TNS3: variants seen among roughly 807,000 people sequenced by gnomAD.
TNS3 encodes tensin 3.
TNS3 carries 45 observed loss-of-function variants against 140.9 expected under a neutral mutation model. That is an observed-to-expected ratio of 0.32 (90% CI 0.25 to 0.41). The LOEUF (loss-of-function observed/expected upper bound fraction) is 0.41, where lower values mean the gene tolerates loss of function less well. Ranked by LOEUF, TNS3 falls within the 10% of genes least tolerant of loss-of-function variation. The pLI is 1.00. For missense variants in TNS3, 1,716 were observed against 1,906.7 expected, an observed-to-expected ratio of 0.90 and a Z score of 1.86; for synonymous variants, 815 against 788.4, an observed-to-expected ratio of 1.03 and a Z score of -0.56.
chr7:47,362,683 T>C (rs1023945750), intron 17 of TNS3, among the ~76,000 whole-genome samples: 1 of 152,064 alleles, frequency 6.6e-6, no homozygotes, highest in Non-Finnish European at 1.5e-5. Flanking sequence ...GAGTAACAGT[T>C]CTTACTATTA....
At position 47,400,454 on chromosome 7, in the gene TNS3, G is replaced by T; in HGVS notation, c.858C>A (p.Asp286Glu). ...KEDLDNASKD[D>E]RFPDYGKVEL... is the part of the protein sequence containing the mutation. ...CAACCTTCCCATAGTCAGGAAAACG[G>T]TCATCTGAAAAAAACAATGTATTTT... is the stretch of plus-strand genomic sequence containing the variant. The change falls in exon 15 of 31, where the codon GAC becomes GAA. Residue 286 changes from aspartate (D) to glutamate (E), a missense_variant. Physicochemically the swap from Asp to Glu is conservative, Grantham distance 45 (BLOSUM62 2). Transcript: ENST00000311160. 6.2e-7 allele frequency: 1 copy of T among 1,613,952 alleles called. No homozygotes were observed. Among genetic ancestry groups the T allele is most frequent in the Non-Finnish European group, 8.5e-7 (1 of 1,179,918 alleles).
chr7:47,545,273 G>A (rs1260445383), intron 1 of TNS3, among the ~76,000 whole-genome samples: 1 of 151,614 alleles, frequency 6.6e-6, no homozygotes, highest in African/African-American at 2.4e-5. Flanking sequence ...CCAAGTAGCT[G>A]AGACTACAGG....
intron 20 of TNS3, among the ~76,000 whole-genome samples, chr7:47,317,241 T>C (rs997246537): frequency 1.8e-4 from 28 of 152,268 alleles, no homozygotes; most frequent in African/African-American, 6.7e-4. Flanking sequence ...ATGGGAATCC[T>C]GTCCACCAAA....
intron 1 of TNS3, among the ~76,000 whole-genome samples, chr7:47,555,872 T>C (rs1800181606): frequency 6.6e-6 from 1 of 152,228 alleles, no homozygotes; most frequent in African/African-American, 2.4e-5. Context: ...ACTTACTTTA[T>C]CTCAATATTC....
chr7:47,400,443 T>A lies in TNS3; in HGVS notation c.869A>T (p.Asp290Val). The A allele has an allele frequency of 1.2e-6, 2 of 1,614,098 alleles. No individual in the cohort carries two copies. The highest frequency in any genetic ancestry group is 1.3e-5 in the African/African-American group (1 of 75,014). The stretch of plus-strand genomic sequence containing the variant: ...GAAGACTAATTCAACCTTCCCATAG[T>A]CAGGAAAACGGTCATCTGAAAAAAA... ...DNASKDDRFP[D>V]YGKVELVFSA... The change falls in exon 15 of 31, where the codon GAC becomes GTC. Residue 290 changes from aspartate to valine, a missense_variant. Coordinates refer to ENST00000311160, the MANE Select transcript of TNS3 (RefSeq NM_022748.12).
At chr7:47,477,895 G>A (rs1797254008) in intron 4 of TNS3, among the ~76,000 whole-genome samples, 1 of 152,142 alleles carries the variant, frequency 6.6e-6, no homozygotes, top group Non-Finnish European at 1.5e-5. Context: ...CACCCAGCAG[G>A]GAGGCAGAAG....
At chr7:47,312,080 C>T (rs369463263) in intron 20 of TNS3, among the ~76,000 whole-genome samples, 1 of 152,184 alleles carries the variant, frequency 6.6e-6, no homozygotes, top group Non-Finnish European at 1.5e-5. Flanking sequence ...CTGCACCCAA[C>T]TGTAAATACC....
chr7:47,477,427 G>C (rs1205272571), intron 4 of TNS3, among the ~76,000 whole-genome samples: 1 of 152,166 alleles, frequency 6.6e-6, no homozygotes, highest in Non-Finnish European at 1.5e-5. Flanking sequence ...GCCAGCACAG[G>C]ACAGAGCAGA....
At chr7:47,389,002 G>GGAAGAAGAAGAA (rs1175410885) in intron 16 of TNS3, among the ~76,000 whole-genome samples, 6 of 6,650 alleles carry the variant, frequency 9.0e-4, no homozygotes, top group Admixed American at 2.8e-3. Flanking sequence ...AGAAGAAGAA[G>GGAAGAAGAAGAA]GAAGAAGAAG....
At position 47,293,035 on chromosome 7, in the gene TNS3, G is replaced by A. The variant is rs1258721039; in HGVS notation, c.3773-130C>T. The A allele has an allele frequency of 5.7e-6, 4 of 701,508 alleles. No homozygotes were observed. The East Asian group carries it at 1.1e-4, about 19-fold the overall frequency. The allele number at this position is 701,508 out of a possible 1,614,324, so 43.5% of individuals were successfully genotyped here. A position where few individuals can be genotyped will look rare whatever the true frequency, so the allele number is the denominator to read the frequency against. ...TATCTTTTTAGCAACTGGTATGTTA[G>A]ATTAGTGTGCAGCTTTGTGTAAAAC... On this transcript the variant is annotated intron_variant, in intron 25 of 30. Transcript: ENST00000311160.
intron 12 of TNS3, among the ~76,000 whole-genome samples, chr7:47,413,251 CTTTTTTT>C (rs71003398): frequency 1.9e-5 from 1 of 52,904 alleles, no homozygotes. Flanking sequence ...CAAGCCTGGC[CTTTTTTT>C]TTTTTTTTTT....
At chr7:47,297,595 G>C (rs779763232) in intron 23 of TNS3, among the ~76,000 whole-genome samples, 1 of 152,022 alleles carries the variant, frequency 6.6e-6, no homozygotes, top group African/African-American at 2.4e-5. Flanking sequence ...GACAGCCCAG[G>C]AAACCAAGGC....
At chr7:47,406,911 C>A (rs920395298) in intron 13 of TNS3, among the ~76,000 whole-genome samples, 3 of 152,092 alleles carry the variant, frequency 2.0e-5, no homozygotes, top group Admixed American at 6.5e-5. Flanking sequence ...GCGTGGGCAT[C>A]CTGTGCTGAG....
At chr7:47,499,128 T>C (rs1033280951) in intron 3 of TNS3, among the ~76,000 whole-genome samples, 1 of 152,254 alleles carries the variant, frequency 6.6e-6, no homozygotes, top group African/African-American at 2.4e-5. Context: ...AAATGTGGCT[T>C]GCTGACTTTG....
chr7:47,349,116 C>G (rs1789513758), intron 17 of TNS3, among the ~76,000 whole-genome samples: 1 of 152,174 alleles, frequency 6.6e-6, no homozygotes, highest in Non-Finnish European at 1.5e-5. Context: ...AGAAATGTTC[C>G]TGTTGAACAC....
At position 47,578,736 on chromosome 7, in the gene TNS3, G is replaced by T. The variant is rs145319178; in HGVS notation, c.-265+3315C>A. ...ACCAAACACATTCCTGAGTCACAGA[G>T]TACAAACAGAAAGCTCACGAAACTT... is the stretch of plus-strand genomic sequence containing the variant. On this transcript the variant is annotated intron_variant, in intron 1 of 30. Coordinates refer to ENST00000311160, the MANE Select transcript of TNS3 (RefSeq NM_022748.12). Among the ~76,000 whole-genome samples the T allele has an allele frequency of 8.6e-3, 1,309 of 152,320 alleles. 25 individuals are homozygous for T. Among genetic ancestry groups the T allele is most frequent in the African/African-American group, 0.03 (1,264 of 41,562 alleles).
intron 13 of TNS3, among the ~76,000 whole-genome samples, chr7:47,403,076 T>A (rs1584577265): frequency 6.6e-6 from 1 of 151,938 alleles, no homozygotes; most frequent in Non-Finnish European, 1.5e-5. Flanking sequence ...CAGTGGAATA[T>A]CCCCAACCGC....
chr7:47,529,889 T>C (rs564912229), intron 1 of TNS3, among the ~76,000 whole-genome samples: 2 of 152,386 alleles, frequency 1.3e-5, no homozygotes, highest in South Asian at 4.1e-4. Flanking sequence ...AATATCCATA[T>C]GGATTCAGTG....
chr7:47,278,087 T>C lies in TNS3; in HGVS notation c.4327A>G (p.Lys1443Glu). ...AGGGAGGGGAGTTCTCAGACCTTCT[T>C]TGGGGAACCAATCATGACCTTTGAT... ...FVSKVMIGSP[K>E]KV Residue 1443 changes from lysine (K) to glutamate (E), a missense_variant, in exon 31 of 31, where the codon AAG becomes GAG. Physicochemically the swap from Lys to Glu is moderately conservative, Grantham distance 56. This residue lies in a region of TNS3 where 216 missense variants were observed against 295.7 expected (regional missense o/e 0.73). Coordinates refer to ENST00000311160, the MANE Select transcript of TNS3 (RefSeq NM_022748.12). 1.2e-6 allele frequency: 2 copies of C among 1,614,098 alleles called. No homozygotes were observed. The highest frequency in any genetic ancestry group is 1.7e-6 in the Non-Finnish European group (2 of 1,179,976).
Sources: allele counts gnomAD v4.1 joint callset (sites outside exome capture counted in the v4.1 genomes callset), GRCh38; gene constraint gnomAD v4.1.1; regional missense constraint gnomAD v4.1.1; transcripts MANE v1.5; gene names NCBI Gene and HGNC (gene_info 2026-07-23, HGNC 2026-07-21).